BIRC6: variants seen among roughly 807,000 people sequenced by gnomAD.
BIRC6 encodes dual E2 ubiquitin-conjugating enzyme/E3 ubiquitin-protein ligase BIRC6.
BIRC6 carries 98 observed loss-of-function variants against 503.3 expected under a neutral mutation model. The observed-to-expected ratio is 0.19, with a 90% CI of 0.17 to 0.23. BIRC6 has a LOEUF of 0.23. Among genes scored for constraint, BIRC6 ranks in the 10% least tolerant of loss-of-function variants. BIRC6 has a pLI of 1.00. For synonymous variants in BIRC6, 2,240 were observed against 2,078.7 expected (o/e 1.08, Z -2.11); for missense variants, 5,360 against 5,806.0 (o/e 0.92, Z 2.50).
intron 66 of BIRC6, among the ~76,000 whole-genome samples, chr2:32,576,036 T>C (rs765542912): frequency 1.3e-5 from 2 of 152,240 alleles, no homozygotes; most frequent in Non-Finnish European, 2.9e-5. Flanking sequence ...GACATTGTTC[T>C]AAATACTTCA....
intron 45 of BIRC6, among the ~76,000 whole-genome samples, chr2:32,494,673 G>A (rs937602237): frequency 6.6e-6 from 1 of 152,028 alleles, no homozygotes; most frequent in African/African-American, 2.4e-5. Context: ...AGGCTGAGGC[G>A]GGAAGATCGC....
At chr2:32,601,083 C>A (rs758601445) in intron 70 of BIRC6, among the ~76,000 whole-genome samples, 11 of 152,286 alleles carry the variant, frequency 7.2e-5, no homozygotes, top group African/African-American at 2.4e-4. Context: ...CATCCTGGGC[C>A]GCATGTGGCC....
At chr2:32,601,437 T>C (rs988294215) in intron 70 of BIRC6, among the ~76,000 whole-genome samples, 1 of 151,978 alleles carries the variant, frequency 6.6e-6, no homozygotes, top group African/African-American at 2.4e-5. Flanking sequence ...CAAAATTAGC[T>C]GGGCGTGGTG....
At chr2:32,487,943 GATTACCAAA>G in intron 41 of BIRC6, 142 bp downstream of exon 41, 2 of 680,894 alleles carry the variant, frequency 2.9e-6, no homozygotes, top group Non-Finnish European at 4.9e-6. Context: ...GAAATACTTT[GATTACCAAA>G]GTAATCACAG....
intron 54 of BIRC6, 40 bp from the exon 55 acceptor site, chr2:32,514,950 A>C (rs950112172): frequency 2.2e-5 from 32 of 1,465,660 alleles, no homozygotes; most frequent in Non-Finnish European, 2.9e-5. Context: ...TCTTCTAAAA[A>C]TATACTTGTA....
intron 10 of BIRC6, among the ~76,000 whole-genome samples, chr2:32,416,886 A>C (rs2042433366): frequency 6.9e-6 from 1 of 144,494 alleles, no homozygotes; most frequent in Non-Finnish European, 1.5e-5. Context: ...GCCCAAGCTG[A>C]AGTGCAGTGG....
chr2:32,362,107 C>G (rs921811940), intron 1 of BIRC6, among the ~76,000 whole-genome samples: 3 of 152,162 alleles, frequency 2.0e-5, no homozygotes, highest in African/African-American at 7.2e-5. Flanking sequence ...AAGAAACTGA[C>G]AGACTCTTAG....
intron 51 of BIRC6, 123 bp from the exon 52 acceptor site, chr2:32,509,615 C>T (rs957296642): frequency 5.5e-6 from 6 of 1,098,818 alleles, no homozygotes; most frequent in South Asian, 2.9e-5. Context: ...TCTAAAAAAA[C>T]ATGTCTTAGA....
At chr2:32,402,252 T>A (rs763856903) in intron 8 of BIRC6, among the ~76,000 whole-genome samples, 11 of 152,226 alleles carry the variant, frequency 7.2e-5, no homozygotes, top group Non-Finnish European at 1.5e-4. Flanking sequence ...TTTCACCCAC[T>A]TGTTTCCTAA....
At chr2:32,470,883 A>G (rs2049026447) in intron 31 of BIRC6, 131 bp from the exon 32 acceptor site, 1 of 893,416 alleles carries the variant, frequency 1.1e-6, no homozygotes, top group Non-Finnish European at 1.6e-6. Context: ...TATTACATAT[A>G]AATATTAGTG....
chr2:32,405,831 G>GC (rs2041147688), intron 8 of BIRC6, among the ~76,000 whole-genome samples: 1 of 152,170 alleles, frequency 6.6e-6, no homozygotes, highest in Non-Finnish European at 1.5e-5. Flanking sequence ...ACTACTGCAA[G>GC]CTGGTGCTTG....
At chr2:32,366,168 G>A (rs1192807345) in intron 1 of BIRC6, among the ~76,000 whole-genome samples, 1 of 152,172 alleles carries the variant, frequency 6.6e-6, no homozygotes, top group Non-Finnish European at 1.5e-5. Context: ...ACCATGCCCA[G>A]CCAGCAATTT....
At chr2:32,459,220 C>T (rs2047568846) in intron 23 of BIRC6, among the ~76,000 whole-genome samples, 1 of 152,170 alleles carries the variant, frequency 6.6e-6, no homozygotes, top group Admixed American at 6.5e-5. Flanking sequence ...CCCTTCCAGT[C>T]ACTTGGCAAC....
intron 1 of BIRC6, among the ~76,000 whole-genome samples, chr2:32,376,078 C>T (rs537747019): frequency 4.0e-5 from 6 of 150,362 alleles, no homozygotes; most frequent in Admixed American, 6.7e-5. Context: ...CCCAGCTACT[C>T]GGGAGGCTGA....
intron 65 of BIRC6, among the ~76,000 whole-genome samples, chr2:32,574,242 T>C (rs985923199): frequency 6.6e-6 from 1 of 150,672 alleles, no homozygotes; most frequent in Non-Finnish European, 1.5e-5. Context: ...TCCTCCCCAG[T>C]TGCAGGGACT....
intron 15 of BIRC6, among the ~76,000 whole-genome samples, 170 bp from the exon 16 acceptor site, chr2:32,439,338 A>G (rs1353151976): frequency 6.6e-6 from 1 of 152,142 alleles, no homozygotes; most frequent in Non-Finnish European, 1.5e-5. Context: ...TTTTTTGCTG[A>G]CAGCGTGTGA....
At chr2:32,383,667 G>A (rs2038021998) in intron 3 of BIRC6, among the ~76,000 whole-genome samples, 1 of 152,032 alleles carries the variant, frequency 6.6e-6, no homozygotes, top group South Asian at 2.1e-4. Context: ...CAGTAGCTGG[G>A]ACTATAGGCA....
chr2:32,419,417 AAT>A (rs1202165462), intron 10 of BIRC6, among the ~76,000 whole-genome samples: 7 of 152,188 alleles, frequency 4.6e-5, no homozygotes, highest in Non-Finnish European at 8.8e-5. Flanking sequence ...TCAGGAATAG[AAT>A]ATATACACAC....
intron 73 of BIRC6, among the ~76,000 whole-genome samples, chr2:32,612,751 C>T: frequency 6.6e-6 from 1 of 152,192 alleles, no homozygotes; most frequent in East Asian, 1.9e-4. Context: ...GTGATAGATT[C>T]ATGGGACTTC....
Sources: gnomAD v4.1 joint callset for allele counts (sites outside exome capture counted in the v4.1 genomes callset) on GRCh38, gnomAD v4.1.1 for gene constraint, MANE v1.5 for transcripts, NCBI Gene and HGNC (gene_info 2026-07-23, HGNC 2026-07-21) for gene names.